PDHX: variants seen among roughly 807,000 people sequenced by gnomAD.
The protein encoded by PDHX is pyruvate dehydrogenase protein X component, mitochondrial.
PDHX carries 33 observed loss-of-function variants against 55.3 expected under a neutral mutation model. The ratio of observed to expected loss-of-function variants is 0.60; its 90% CI spans 0.45 to 0.80. The LOEUF is 0.80. Ranked by LOEUF, PDHX falls within the 30% of genes least tolerant of loss-of-function variation. The pLI is 0.00. For missense variants in PDHX, 622 were observed against 619.9 expected, an observed-to-expected ratio of 1.00 and a Z score of -0.04; for synonymous variants, 226 against 219.4, an observed-to-expected ratio of 1.03 and a Z score of -0.27.
intron 1 of PDHX, among the ~76,000 whole-genome samples, chr11:34,920,701 C>T (rs1349403028): frequency 6.6e-6 from 1 of 152,110 alleles, no homozygotes; most frequent in Non-Finnish European, 1.5e-5. Context: ...TACATCTTAG[C>T]AAGGCTGAAT....
intron 2 of PDHX, among the ~76,000 whole-genome samples, chr11:34,941,106 G>A (rs1483218115): frequency 6.6e-6 from 1 of 152,208 alleles, no homozygotes; most frequent in Non-Finnish European, 1.5e-5. Context: ...GTGGGTGGTT[G>A]ACCTTGTCTA....
chr11:34,926,756 G>A (rs1175944279), intron 1 of PDHX, among the ~76,000 whole-genome samples: 1 of 152,022 alleles, frequency 6.6e-6, no homozygotes, highest in Non-Finnish European at 1.5e-5. Context: ...GCTGAAGTAT[G>A]AGCATTTTGT....
intron 7 of PDHX, among the ~76,000 whole-genome samples, chr11:34,976,828 T>C (rs1364977198): frequency 6.6e-6 from 1 of 152,008 alleles, no homozygotes; most frequent in African/African-American, 2.4e-5. Context: ...GGCAGATGGT[T>C]TTAGAAGTCT....
intron 1 of PDHX, among the ~76,000 whole-genome samples, chr11:34,923,051 G>A (rs1853934987): frequency 6.6e-6 from 1 of 152,030 alleles, no homozygotes; most frequent in South Asian, 2.1e-4. Context: ...CTTCTAAAAT[G>A]TTTGGTTTAT....
At chr11:34,918,591 A>G (rs956602678) in intron 1 of PDHX, among the ~76,000 whole-genome samples, 2 of 152,194 alleles carry the variant, frequency 1.3e-5, no homozygotes, top group East Asian at 3.8e-4. Flanking sequence ...CCCCAGTTTG[A>G]ATACCATCTG....
upstream of PDHX, chr11:34,916,166 C>T (rs374157413): frequency 6.4e-7 from 1 of 1,565,718 alleles, no homozygotes. Flanking sequence ...CAGCTCCAGC[C>T]GCCGGGTCCC....
At chr11:34,961,580 G>T (rs1049672967) in intron 5 of PDHX, among the ~76,000 whole-genome samples, 2 of 152,190 alleles carry the variant, frequency 1.3e-5, no homozygotes, top group African/African-American at 4.8e-5. Context: ...AAGTGGCAGT[G>T]TTGGGCCAGG....
chr11:34,957,065 G>T (rs1163674769), intron 3 of PDHX, among the ~76,000 whole-genome samples: 2 of 152,164 alleles, frequency 1.3e-5, no homozygotes, highest in African/African-American at 4.8e-5. Flanking sequence ...GTTTGGATTT[G>T]TATTGACATC....
Position 34,984,578 on chromosome 11 carries a change from A to G in PDHX, c.1032A>G (p.Pro344=), listed in dbSNP as rs771477240. 1.1e-4 allele frequency: 174 copies of G among 1,613,892 alleles called. No individual in the cohort carries two copies. The highest frequency in any genetic ancestry group is 1.4e-4 in the Non-Finnish European group (169 of 1,179,932). ...KAAAVTLKQM[P]DVNVSWDGEG... ...TCTTTTTCTATTTCTAGCAAATGCC[A>G]GATGTTAATGTAAGCTGGGATGGAG... The change falls in exon 9 of 11, where the codon CCA becomes CCG. Residue 344 remains proline (P), a synonymous_variant. Transcript: ENST00000227868.
chr11:34,937,320 A>G lies in PDHX; in HGVS notation c.241+5836A>G, dbSNP rs11032936. Reference sequence around the variant, plus strand: ...ATAATATTATAAGTAAATCTTTTCAATGTTAAGTGGTGCTGGAATGCAGAG... The same window carrying G: ...ATAATATTATAAGTAAATCTTTTCAGTGTTAAGTGGTGCTGGAATGCAGAG... On this transcript the variant is annotated intron_variant, in intron 2 of 10. Transcript: ENST00000227868. Among the ~76,000 whole-genome samples, 536 of 152,232 alleles carry G rather than the reference A, an allele frequency of 3.5e-3. 4 individuals carry two copies. Among genetic ancestry groups the G allele is most frequent in the Admixed American group, 5.7e-3 (87 of 15,296 alleles).
intron 1 of PDHX, among the ~76,000 whole-genome samples, chr11:34,926,025 C>T (rs1466073758): frequency 6.6e-6 from 1 of 152,164 alleles, no homozygotes; most frequent in African/African-American, 2.4e-5. Flanking sequence ...ATGCCAAGAC[C>T]TGTAAATGCT....
At chr11:34,933,374 A>G (rs1242293510) in intron 2 of PDHX, among the ~76,000 whole-genome samples, 2 of 152,202 alleles carry the variant, frequency 1.3e-5, no homozygotes, top group Non-Finnish European at 2.9e-5. Flanking sequence ...AGCGTCTCCA[A>G]AAGTATAATC....
At chr11:34,916,960 C>T (rs1430555326) in intron 1 of PDHX, 145 bp downstream of exon 1, 3 of 852,674 alleles carry the variant, frequency 3.5e-6, no homozygotes, top group Admixed American at 4.0e-5. Context: ...TGGGGTCCGC[C>T]GACTTGGCCT....
intron 9 of PDHX, among the ~76,000 whole-genome samples, chr11:34,990,992 C>T (rs901048107): frequency 2.6e-5 from 4 of 152,180 alleles, no homozygotes; most frequent in Admixed American, 2.0e-4. Flanking sequence ...CTGTACCCTT[C>T]CTCTTAAGTT....
At chr11:34,970,900 AGTTT>A (rs1162030902) in intron 7 of PDHX, among the ~76,000 whole-genome samples, 1 of 152,230 alleles carries the variant, frequency 6.6e-6, no homozygotes, top group Non-Finnish European at 1.5e-5. Context: ...TTGGTTGGTT[AGTTT>A]TTTTAAAAGC....
chr11:34,924,757 A>G (rs535575140), intron 1 of PDHX, among the ~76,000 whole-genome samples: 1 of 152,258 alleles, frequency 6.6e-6, no homozygotes, highest in Admixed American at 6.5e-5. Context: ...TATAGTTTAA[A>G]TAGTACTGAA....
chr11:34,965,208 C>A (rs1418076604), intron 5 of PDHX, among the ~76,000 whole-genome samples: 1 of 152,158 alleles, frequency 6.6e-6, no homozygotes, highest in Non-Finnish European at 1.5e-5. Context: ...GGGTCCTCTT[C>A]CAAGCTCATG....
chr11:34,971,992 T>C (rs1855267040), intron 7 of PDHX, among the ~76,000 whole-genome samples: 1 of 151,408 alleles, frequency 6.6e-6, no homozygotes, highest in Admixed American at 6.6e-5. Flanking sequence ...ATTTGTGTCA[T>C]CTAAGTCACC....
chr11:34,965,559 A>G (rs1485106976), intron 5 of PDHX, among the ~76,000 whole-genome samples: 1 of 152,178 alleles, frequency 6.6e-6, no homozygotes, highest in East Asian at 1.9e-4. Context: ...GTCACATAAT[A>G]GGACCTAATA....
Sources: gnomAD v4.1 joint callset for allele counts (sites outside exome capture counted in the v4.1 genomes callset) on GRCh38, gnomAD v4.1.1 for gene constraint, MANE v1.5 for transcripts, NCBI Gene and HGNC (gene_info 2026-07-23, HGNC 2026-07-21) for gene names.